BTRC: variants seen among roughly 807,000 people sequenced by gnomAD.
The protein encoded by BTRC is beta-transducin repeat containing E3 ubiquitin protein ligase.
In BTRC, 42 loss-of-function variants were observed where a neutral mutation model predicts 85.5. The ratio of observed to expected loss-of-function variants is 0.49; its 90% CI spans 0.38 to 0.64. BTRC has a LOEUF of 0.64. Among genes scored for constraint, BTRC ranks in the 30% least tolerant of loss-of-function variants. BTRC has a pLI of 0.00. For missense variants in BTRC, 594 were observed against 743.5 expected (o/e 0.80, Z 2.34); for synonymous variants, 255 against 263.3 (o/e 0.97, Z 0.30).
chr10:101,505,917 AT>A lies in BTRC; in HGVS notation c.325-15707del, dbSNP rs71472577. The stretch of plus-strand genomic sequence containing the variant: ...TGCTATTTTGATGTTCAGTTTTCCA[AT>A]TTTTTTTTTTTTTTGAGACGGAGTC... On this transcript the variant is annotated intron_variant, in intron 4 of 14. Coordinates refer to ENST00000370187, the MANE Select transcript of BTRC (RefSeq NM_033637.4). Among the ~76,000 whole-genome samples the A allele has an allele frequency of 2.5e-3, 355 of 142,538 alleles. 2 individuals are homozygous for A. The highest frequency in any genetic ancestry group is 5.6e-3 in the African/African-American group (219 of 39,128). The allele number at this position is 142,538 out of a possible 152,430, so 93.5% of individuals were successfully genotyped here.
At chr10:101,388,271 C>T (rs1225759400) in intron 1 of BTRC, among the ~76,000 whole-genome samples, 1 of 152,052 alleles carries the variant, frequency 6.6e-6, no homozygotes, top group Non-Finnish European at 1.5e-5. Context: ...AAGTGATCCT[C>T]CTGCCTCAGC....
At chr10:101,479,844 AATT>A (rs1462134930) in intron 4 of BTRC, among the ~76,000 whole-genome samples, 1 of 152,202 alleles carries the variant, frequency 6.6e-6, no homozygotes, top group African/African-American at 2.4e-5. Context: ...TAGACAACCC[AATT>A]ATTATATCAC....
intron 1 of BTRC, among the ~76,000 whole-genome samples, chr10:101,377,394 C>G (rs1942818368): frequency 6.6e-6 from 1 of 152,144 alleles, no homozygotes; most frequent in South Asian, 2.1e-4. Flanking sequence ...ATTTTCATTT[C>G]TCTAAATACC....
intron 1 of BTRC, among the ~76,000 whole-genome samples, chr10:101,402,838 T>A (rs1192255132): frequency 1.3e-5 from 2 of 152,200 alleles, no homozygotes; most frequent in Non-Finnish European, 2.9e-5. Flanking sequence ...CACTGCTGTG[T>A]GTACAACAGT....
intron 13 of BTRC, among the ~76,000 whole-genome samples, chr10:101,549,215 G>T (rs2062606815): frequency 6.7e-6 from 1 of 148,360 alleles, no homozygotes. Flanking sequence ...CAGAAGGACT[G>T]CTTGGTCTTG....
intron 3 of BTRC, among the ~76,000 whole-genome samples, chr10:101,466,678 C>T (rs1166456167): frequency 6.6e-6 from 1 of 152,222 alleles, no homozygotes; most frequent in Non-Finnish European, 1.5e-5. Flanking sequence ...CAGGAGGTAA[C>T]AGCTGCCAGG....
At chr10:101,509,553 CTTTTT>C (rs747841828) in intron 4 of BTRC, among the ~76,000 whole-genome samples, 1 of 129,358 alleles carries the variant, frequency 7.7e-6, no homozygotes, top group Non-Finnish European at 1.6e-5. Context: ...CGCGCCCAGC[CTTTTT>C]TTTTTTTTTT....
chr10:101,419,472 T>G (rs527877976), intron 1 of BTRC, among the ~76,000 whole-genome samples: 43 of 152,270 alleles, frequency 2.8e-4, no homozygotes, highest in Admixed American at 4.6e-4. Flanking sequence ...CTTATTGTTG[T>G]TGGTGGTGGT....
At chr10:101,367,008 A>ATATATTTTTATATATATT (rs1275484541) in intron 1 of BTRC, among the ~76,000 whole-genome samples, 1 of 79,258 alleles carries the variant, frequency 1.3e-5, no homozygotes, top group Non-Finnish European at 2.4e-5. Flanking sequence ...ATATATATTT[A>ATATATTTTTATATATATT]TATATATATT....
chr10:101,505,722 G>T (rs1357172736), intron 4 of BTRC, among the ~76,000 whole-genome samples: 1 of 151,698 alleles, frequency 6.6e-6, no homozygotes, highest in Non-Finnish European at 1.5e-5. Context: ...CAATTTCCAT[G>T]TTTTTTGTGT....
chr10:101,357,045 C>T (rs1307660086), intron 1 of BTRC, among the ~76,000 whole-genome samples: 3 of 151,910 alleles, frequency 2.0e-5, no homozygotes, highest in African/African-American at 4.8e-5. Flanking sequence ...AGGAGAATGG[C>T]GTGAACCCGG....
At chr10:101,419,930 C>T (rs1351691375) in intron 1 of BTRC, among the ~76,000 whole-genome samples, 2 of 152,106 alleles carry the variant, frequency 1.3e-5, no homozygotes, top group Admixed American at 6.5e-5. Context: ...TCGCATTGTT[C>T]TAAGGAGCTC....
At chr10:101,386,871 G>GCCTC (rs1401281156) in intron 1 of BTRC, among the ~76,000 whole-genome samples, 2 of 152,086 alleles carry the variant, frequency 1.3e-5, no homozygotes, top group Non-Finnish European at 2.9e-5. Context: ...CATGAAAATA[G>GCCTC]CCTCATATTT....
chr10:101,362,629 A>G (rs1294981945), intron 1 of BTRC, among the ~76,000 whole-genome samples: 5 of 148,178 alleles, frequency 3.4e-5, no homozygotes, highest in Non-Finnish European at 6.0e-5. Flanking sequence ...TCCCGACCTT[A>G]GGTGATCCGC....
At chr10:101,420,965 A>G (rs376752452) in intron 1 of BTRC, among the ~76,000 whole-genome samples, 2 of 150,658 alleles carry the variant, frequency 1.3e-5, no homozygotes, top group Non-Finnish European at 3.0e-5. Context: ...CTACAGGTTT[A>G]TACTCATATT....
At chr10:101,411,582 A>G (rs1943779610) in intron 1 of BTRC, among the ~76,000 whole-genome samples, 1 of 152,146 alleles carries the variant, frequency 6.6e-6, no homozygotes, top group Non-Finnish European at 1.5e-5. Context: ...GTCCTATTTC[A>G]TGAAATTATC....
At chr10:101,406,495 T>G (rs1049232744) in intron 1 of BTRC, among the ~76,000 whole-genome samples, 6 of 148,258 alleles carry the variant, frequency 4.0e-5, no homozygotes, top group African/African-American at 1.2e-4. Flanking sequence ...CGAGGTAAAC[T>G]TTCATGTTAA....
intron 4 of BTRC, among the ~76,000 whole-genome samples, 160 bp downstream of exon 4, chr10:101,479,617 G>A (rs1945784639): frequency 1.3e-5 from 2 of 152,212 alleles, no homozygotes; most frequent in African/African-American, 4.8e-5. Context: ...TTGCAAGTTA[G>A]ATTCTCCACC....
chr10:101,541,291 G>A (rs1055805998), intron 13 of BTRC, among the ~76,000 whole-genome samples: 6 of 146,356 alleles, frequency 4.1e-5, no homozygotes, highest in African/African-American at 1.5e-4. Flanking sequence ...ACGGAGTCTC[G>A]CTCTTTCACC....
Sources: allele counts gnomAD v4.1 joint callset (sites outside exome capture counted in the v4.1 genomes callset), GRCh38; gene constraint gnomAD v4.1.1; transcripts MANE v1.5; gene names NCBI Gene and HGNC (gene_info 2026-07-23, HGNC 2026-07-21).